The following CCDC112 variants were observed in gnomAD, a reference collection of about 807,000 sequenced individuals.
CCDC112 encodes coiled-coil domain-containing protein 112.
In CCDC112, 40 loss-of-function variants were observed where a neutral mutation model predicts 66.3. The ratio of observed to expected loss-of-function variants is 0.60; its 90% CI spans 0.47 to 0.79. The LOEUF is 0.79. Among genes scored for constraint, CCDC112 ranks in the 30% least tolerant of loss-of-function variants. The pLI, the probability that CCDC112 is intolerant of heterozygous loss-of-function variation, is 0.00. For synonymous variants in CCDC112, 214 were observed against 197.2 expected (o/e 1.09, Z -0.71); for missense variants, 659 against 603.8 (o/e 1.09, Z -0.96).
chr5:115,278,013 A>C (rs1749282306), intron 3 of CCDC112, among the ~76,000 whole-genome samples: 1 of 152,124 alleles, frequency 6.6e-6, no homozygotes, highest in Non-Finnish European at 1.5e-5. Flanking sequence ...TGAACATCCA[A>C]AATAAACCTC....
intron 2 of CCDC112, among the ~76,000 whole-genome samples, chr5:115,283,697 G>C (rs929863100): frequency 2.5e-4 from 38 of 152,052 alleles, no homozygotes; most frequent in African/African-American, 9.2e-4. Flanking sequence ...ATATGGTATA[G>C]CTTTTCAAAA....
Position 115,271,498 on chromosome 5 carries a change from T to C in CCDC112, c.1047A>G (p.Glu349=). ...KQEDNQKQKE[E]QRKKQKLAVE... ...CTGCCAATTTCTGTTTCTTTCTTTG[T>C]TCCTCTTTTTGCTTTTGATTATCCT... The change falls in exon 7 of 10, where the codon GAA becomes GAG. Residue 349 remains glutamate, a synonymous_variant. Transcript: ENST00000379611. 6.2e-7 allele frequency: 1 copy of C among 1,613,502 alleles called. No individual in the cohort carries two copies. Among genetic ancestry groups the C allele is most frequent in the Non-Finnish European group, 8.5e-7 (1 of 1,179,890 alleles).
At chr5:115,294,990 G>C (rs984961338) in intron 1 of CCDC112, among the ~76,000 whole-genome samples, 1 of 152,062 alleles carries the variant, frequency 6.6e-6, no homozygotes. Context: ...TATACACCAT[G>C]GTTCTCAATC....
At chr5:115,293,925 C>T (rs896081494) in intron 1 of CCDC112, among the ~76,000 whole-genome samples, 11 of 152,246 alleles carry the variant, frequency 7.2e-5, no homozygotes, top group African/African-American at 2.6e-4. Flanking sequence ...GTTAAAGATA[C>T]TTCAAAAAAG....
At chr5:115,275,817 A>G (rs1749184138) in intron 5 of CCDC112, among the ~76,000 whole-genome samples, 177 bp downstream of exon 5, 1 of 152,168 alleles carries the variant, frequency 6.6e-6, no homozygotes, top group Non-Finnish European at 1.5e-5. Context: ...ATATGAATAA[A>G]ATTTCGCTTT....
chr5:115,276,293 G>C (rs980841497), intron 4 of CCDC112, among the ~76,000 whole-genome samples: 1 of 152,064 alleles, frequency 6.6e-6, no homozygotes, highest in Non-Finnish European at 1.5e-5. Context: ...TTAGAGCTGA[G>C]GAAATGAAAG....
At chr5:115,282,944 A>G (rs1219204396) in intron 2 of CCDC112, among the ~76,000 whole-genome samples, 1 of 152,114 alleles carries the variant, frequency 6.6e-6, no homozygotes, top group Non-Finnish European at 1.5e-5. Flanking sequence ...AGTTTTTCCA[A>G]TGCCCTAAAA....
intron 1 of CCDC112, chr5:115,296,044 C>T: frequency 1.0e-6 from 1 of 1,000,354 alleles, no homozygotes; most frequent in Non-Finnish European, 1.2e-6. Flanking sequence ...TTACTGAGCA[C>T]AGAGTCCCCC....
rs1358372939 is a variant in CCDC112 at position 115,275,613 on chromosome 5, T to G, written c.528-7A>C. 4 of 1,527,190 alleles carry G rather than the reference T, an allele frequency of 2.6e-6. No individual in the cohort carries two copies. In the African/African-American group the frequency reaches 4.2e-5, roughly 16 times the overall value. The allele number at this position is 1,527,190 out of a possible 1,614,324, so 94.6% of individuals were successfully genotyped here. A position where few individuals can be genotyped will look rare whatever the true frequency, so the allele number is the denominator to read the frequency against. ...TTTAATTAGCTCTTCATATCTAAAATTTTAAAAATAAAGTTTGAATAAGAA... is the reference window on the plus strand; with the variant it reads ...TTTAATTAGCTCTTCATATCTAAAAGTTTAAAAATAAAGTTTGAATAAGAA... On this transcript the variant is annotated splice_region_variant and splice_polypyrimidine_tract_variant and intron_variant, in intron 5 of 9. Transcript: ENST00000379611.
chr5:115,269,768 C>T lies in CCDC112; in HGVS notation c.1363G>A (p.Asp455Asn), dbSNP rs146839359. The change falls in exon 8 of 10, where the codon GAT (aspartate) becomes AAT (asparagine). Residue 455 changes from aspartate to asparagine, a missense_variant. By Grantham distance (23) the Asp-to-Asn change is conservative. Coordinates refer to ENST00000379611, the MANE Select transcript of CCDC112 (RefSeq NM_001040440.3). Reference sequence around the variant, plus strand: ...TTTTCATCTTCCTTTGCCTGTCTATCTAGAATTTTCAGTTCAAGTTTATGT... The same window carrying T: ...TTTTCATCTTCCTTTGCCTGTCTATTTAGAATTTTCAGTTCAAGTTTATGT... Reference protein sequence around the residue: ...DLHKLELKILDRQAKEDEKSQ... With the variant: ...DLHKLELKILNRQAKEDEKSQ... The T allele has an allele frequency of 4.3e-4, 676 of 1,583,042 alleles. 1 individual carries two copies. Among genetic ancestry groups the T allele is most frequent in the Non-Finnish European group, 5.3e-4 (625 of 1,168,596 alleles).
intron 8 of CCDC112, 80 bp downstream of exon 8, chr5:115,269,623 G>C (rs1043042337): frequency 8.5e-6 from 8 of 946,436 alleles, no homozygotes; most frequent in Admixed American, 7.8e-5. Context: ...GAGATATAAA[G>C]GAAATAGATT....
At chr5:115,278,762 T>C (rs1468824344) in intron 3 of CCDC112, among the ~76,000 whole-genome samples, 3 of 152,148 alleles carry the variant, frequency 2.0e-5, no homozygotes, top group African/African-American at 7.2e-5. Flanking sequence ...AGTAGTGTAA[T>C]CTTTTCTTTT....
chr5:115,285,621 G>A (rs369948353), intron 1 of CCDC112, among the ~76,000 whole-genome samples: 111 of 139,914 alleles, frequency 7.9e-4, no homozygotes, highest in African/African-American at 2.8e-3. Context: ...TGAAAGTAGA[G>A]AGGCAGGTAT....
intron 2 of CCDC112, among the ~76,000 whole-genome samples, chr5:115,280,130 G>A (rs543317118): frequency 3.2e-4 from 49 of 152,236 alleles, no homozygotes; most frequent in African/African-American, 1.2e-3. Flanking sequence ...TTCAATAGTA[G>A]ATACTATTAA....
At chr5:115,286,231 C>A (rs969783979) in intron 1 of CCDC112, among the ~76,000 whole-genome samples, 2 of 152,150 alleles carry the variant, frequency 1.3e-5, no homozygotes, top group Non-Finnish European at 2.9e-5. Flanking sequence ...TCCTGGCAAC[C>A]ATTAATCTAC....
At chr5:115,294,557 G>A (rs1490900321) in intron 1 of CCDC112, among the ~76,000 whole-genome samples, 1 of 152,186 alleles carries the variant, frequency 6.6e-6, no homozygotes, top group Non-Finnish European at 1.5e-5. Context: ...TAGCCACCAA[G>A]TCTGTAGCAT....
intron 8 of CCDC112, 157 bp downstream of exon 8, chr5:115,269,545 GT>G (rs1748911406): frequency 1.8e-6 from 1 of 555,290 alleles, no homozygotes; most frequent in Non-Finnish European, 3.1e-6. Context: ...TGCTTAAATT[GT>G]ACCAAGTTAT....
intron 1 of CCDC112, chr5:115,296,224 C>G: frequency 3.1e-6 from 4 of 1,280,706 alleles, no homozygotes; most frequent in South Asian, 2.5e-5. Flanking sequence ...AGGTCTTCCT[C>G]GACTCCGAAA....
Position 115,275,471 on chromosome 5 carries a change from T to C in CCDC112, c.663A>G (p.Val221=). The C allele has an allele frequency of 3.7e-6, 6 of 1,614,130 alleles. No individual in the cohort carries two copies. The Middle Eastern group carries it at 8.2e-4, about 222-fold the overall frequency. Residue 221 remains valine (V), a synonymous_variant, in exon 6 of 10, where the codon GTA becomes GTG. Coordinates refer to ENST00000379611, the MANE Select transcript of CCDC112 (RefSeq NM_001040440.3). ...GAAGAGTACTTGGTGTTACTTTGTC[T>C]ACAGGAACTTTGCTTGAGATTGCTC... The part of the protein sequence containing the change: ...AFRAISSKVP[V]DKVTPSTLPE...
Sources: gnomAD v4.1 joint callset for allele counts (sites outside exome capture counted in the v4.1 genomes callset) on GRCh38, gnomAD v4.1.1 for gene constraint, MANE v1.5 for transcripts, NCBI Gene and HGNC (gene_info 2026-07-23, HGNC 2026-07-21) for gene names.